The following RUNDC3B variants were observed in gnomAD, a reference collection of about 807,000 sequenced individuals.
RUNDC3B encodes RUN domain-containing protein 3B.
In RUNDC3B, 33 loss-of-function variants were observed where a neutral mutation model predicts 58.4. That is an observed-to-expected ratio of 0.56 (90% CI 0.43 to 0.75). The LOEUF (loss-of-function observed/expected upper bound fraction) is 0.75, where lower values mean the gene tolerates loss of function less well. RUNDC3B is among the 30% of genes least tolerant of loss of function. The pLI is 0.00. For missense variants in RUNDC3B, 501 were observed against 535.7 expected (o/e 0.94, Z 0.64); for synonymous variants, 193 against 195.2 (o/e 0.99, Z 0.10).
chr7:87,662,089 A>T (rs1824769671), intron 2 of RUNDC3B, among the ~76,000 whole-genome samples: 1 of 151,814 alleles, frequency 6.6e-6, no homozygotes, highest in Non-Finnish European at 1.5e-5. Context: ...TGCCCATTTT[A>T]AGTTTAATTA....
Position 87,669,423 on chromosome 7 carries a change from T to C in RUNDC3B, c.238+18486T>C, listed in dbSNP as rs117457838. ...AGCATACCATTGGGTCTTGCTTTTT[T>C]ATCCAGCTTCTCACTGTGCCTTTTA... is the stretch of plus-strand genomic sequence containing the variant. On this transcript the variant is annotated intron_variant, in intron 2 of 10. Coordinates refer to ENST00000394654, the MANE Select transcript of RUNDC3B (RefSeq NM_001134405.2). 2.8e-3 allele frequency among the ~76,000 whole-genome samples: 432 copies of C among 152,330 alleles called. 6 individuals are homozygous for C. The East Asian group carries it at 0.05, about 17-fold the overall frequency.
chr7:87,769,319 A>G (rs1834146115), intron 6 of RUNDC3B, among the ~76,000 whole-genome samples: 1 of 152,028 alleles, frequency 6.6e-6, no homozygotes, highest in Non-Finnish European at 1.5e-5. Flanking sequence ...CCCCTTATAT[A>G]ATTGTCTTAA....
intron 2 of RUNDC3B, among the ~76,000 whole-genome samples, chr7:87,662,489 G>C (rs190305807): frequency 6.4e-4 from 97 of 152,198 alleles, no homozygotes; most frequent in Non-Finnish European, 1.1e-3. Context: ...AGTTTTCCCA[G>C]CACCATTTAT....
chr7:87,700,547 G>C lies in RUNDC3B; in HGVS notation c.365G>C (p.Arg122Thr). 6.2e-7 allele frequency: 1 copy of C among 1,610,424 alleles called. No homozygotes were observed. Among genetic ancestry groups the C allele is most frequent in the Non-Finnish European group, 8.5e-7 (1 of 1,179,014 alleles). The change falls in exon 3 of 11, where the codon AGA becomes ACA. Residue 122 changes from arginine (R) to threonine (T), a missense_variant. By Grantham distance (71) the Arg-to-Thr change is moderately conservative. Coordinates refer to ENST00000394654, the MANE Select transcript of RUNDC3B (RefSeq NM_001134405.2). ...IENMENVSSSRAKGRAWIRVA... is the reference protein window; with the variant it reads ...IENMENVSSSTAKGRAWIRVA... ...AATATGGAAAATGTCAGTTCTTCTAGAGCTAAGGTAAGACATTGGTCAGAG... is the reference window on the plus strand; with the variant it reads ...AATATGGAAAATGTCAGTTCTTCTACAGCTAAGGTAAGACATTGGTCAGAG...
At chr7:87,729,583 G>A (rs1217072105) in intron 4 of RUNDC3B, among the ~76,000 whole-genome samples, 1 of 152,136 alleles carries the variant, frequency 6.6e-6, no homozygotes, top group African/African-American at 2.4e-5. Flanking sequence ...CTGAGTTCAG[G>A]CAAGACCTAC....
At chr7:87,716,956 T>A (rs1267670718) in intron 4 of RUNDC3B, among the ~76,000 whole-genome samples, 1 of 152,186 alleles carries the variant, frequency 6.6e-6, no homozygotes, top group Non-Finnish European at 1.5e-5. Context: ...TCCAAATTAG[T>A]TGGCTAACTT....
chr7:87,779,558 G>A (rs867583892), intron 8 of RUNDC3B, among the ~76,000 whole-genome samples: 1 of 152,162 alleles, frequency 6.6e-6, no homozygotes, highest in East Asian at 1.9e-4. Flanking sequence ...TTTCTCTTCT[G>A]TATAGTTACT....
intron 2 of RUNDC3B, among the ~76,000 whole-genome samples, chr7:87,672,729 G>C (rs1412818868): frequency 6.6e-6 from 1 of 152,142 alleles, no homozygotes; most frequent in Non-Finnish European, 1.5e-5. Context: ...CCTGACCCAA[G>C]GTTTGCAAAG....
chr7:87,707,349 A>G (rs923638009), intron 3 of RUNDC3B, among the ~76,000 whole-genome samples: 1 of 152,170 alleles, frequency 6.6e-6, no homozygotes, highest in African/African-American at 2.4e-5. Context: ...TTACTAGACA[A>G]CTGAAATACA....
intron 6 of RUNDC3B, among the ~76,000 whole-genome samples, chr7:87,758,024 A>C (rs533502008): frequency 6.1e-4 from 93 of 152,274 alleles, no homozygotes; most frequent in African/African-American, 2.1e-3. Context: ...TAAAGACTTA[A>C]ATTTAAGACT....
chr7:87,717,485 G>A (rs1041325455), intron 4 of RUNDC3B, among the ~76,000 whole-genome samples: 6 of 151,906 alleles, frequency 3.9e-5, no homozygotes, highest in African/African-American at 1.4e-4. Context: ...CCTTAACTGA[G>A]GTATATGTAT....
intron 2 of RUNDC3B, among the ~76,000 whole-genome samples, chr7:87,687,838 C>T (rs28381741): frequency 2.0e-4 from 30 of 152,298 alleles, no homozygotes; most frequent in Admixed American, 3.9e-4. Context: ...ACAGTTACCT[C>T]CCCATGAGGC....
intron 9 of RUNDC3B, among the ~76,000 whole-genome samples, chr7:87,809,302 G>T (rs1220953901): frequency 3.9e-5 from 6 of 152,076 alleles, no homozygotes; most frequent in African/African-American, 1.4e-4. Context: ...TCAGATGTTG[G>T]TATTGTTTTA....
intron 6 of RUNDC3B, among the ~76,000 whole-genome samples, chr7:87,745,155 C>G (rs1339504324): frequency 6.6e-6 from 1 of 152,164 alleles, no homozygotes; most frequent in Admixed American, 6.5e-5. Context: ...CCCTGCATCC[C>G]TGGTATGAAA....
At position 87,765,230 on chromosome 7, in the gene RUNDC3B, C is replaced by T. The variant is rs187142642; in HGVS notation, c.630-5351C>T. Among the ~76,000 whole-genome samples the T allele has an allele frequency of 4.3e-4, 65 of 151,418 alleles. No homozygotes were observed. In the Middle Eastern group the frequency reaches 0.02, roughly 48 times the overall value. On this transcript the variant is annotated intron_variant, in intron 6 of 10. Coordinates refer to ENST00000394654, the MANE Select transcript of RUNDC3B (RefSeq NM_001134405.2). The stretch of plus-strand genomic sequence containing the variant: ...GCTAGTGGTCTATTAATTTTTTTAA[C>T]CTTTCAAAAAACCAACTTTTCATTT...
At chr7:87,747,620 G>A (rs999371874) in intron 6 of RUNDC3B, among the ~76,000 whole-genome samples, 1 of 152,088 alleles carries the variant, frequency 6.6e-6, no homozygotes, top group African/African-American at 2.4e-5. Context: ...AGGGCTAGGC[G>A]TGTCTGAGCT....
At chr7:87,705,752 C>T (rs1345971896) in intron 3 of RUNDC3B, among the ~76,000 whole-genome samples, 8 of 152,090 alleles carry the variant, frequency 5.3e-5, no homozygotes, top group African/African-American at 1.2e-4. Flanking sequence ...ACCCATCTTC[C>T]GCATCTGCTC....
At chr7:87,805,891 G>A (rs1836409145) in intron 8 of RUNDC3B, among the ~76,000 whole-genome samples, 2 of 152,106 alleles carry the variant, frequency 1.3e-5, no homozygotes, top group Admixed American at 1.3e-4. Flanking sequence ...TATCATAATA[G>A]ATTCTCTGGC....
At chr7:87,806,378 C>A (rs1417027768) in intron 8 of RUNDC3B, among the ~76,000 whole-genome samples, 1 of 152,148 alleles carries the variant, frequency 6.6e-6, no homozygotes, top group Non-Finnish European at 1.5e-5. Context: ...TTACCCACAA[C>A]AGGACTTTTA....
Sources: allele counts gnomAD v4.1 joint callset (sites outside exome capture counted in the v4.1 genomes callset), GRCh38; gene constraint gnomAD v4.1.1; transcripts MANE v1.5; gene names NCBI Gene and HGNC (gene_info 2026-07-23, HGNC 2026-07-21).